Variants in AUTS2 observed in about 807,000 individuals in gnomAD.
AUTS2 encodes autism susceptibility gene 2 protein.
In AUTS2, 17 loss-of-function variants were observed where a neutral mutation model predicts 112.4. The observed-to-expected ratio is 0.15, with a 90% confidence interval of 0.10 to 0.23. The LOEUF (loss-of-function observed/expected upper bound fraction) is 0.23, where lower values mean the gene tolerates loss of function less well. Ranked by LOEUF, AUTS2 falls within the 10% of genes least tolerant of loss-of-function variation. The pLI, the probability that AUTS2 is intolerant of heterozygous loss-of-function variation, is 1.00. For synonymous variants in AUTS2, 751 were observed against 702.7 expected, an observed-to-expected ratio of 1.07 and a Z score of -1.09; for missense variants, 1,510 against 1,701.6, an observed-to-expected ratio of 0.89 and a Z score of 1.98.
At chr7:70,404,862 A>G (rs1310317889) in intron 4 of AUTS2, among the ~76,000 whole-genome samples, 1 of 152,200 alleles carries the variant, frequency 6.6e-6, no homozygotes, top group African/African-American at 2.4e-5. Flanking sequence ...ATTTTCTCTA[A>G]CTACTGCGTC....
chr7:69,906,046 A>G (rs1245761061), intron 2 of AUTS2, among the ~76,000 whole-genome samples: 1 of 152,250 alleles, frequency 6.6e-6, no homozygotes, highest in Non-Finnish European at 1.5e-5. Context: ...GTTAAGAAAG[A>G]TAAAGTGACA....
chr7:70,648,454 C>CA (rs1353463645), intron 5 of AUTS2, among the ~76,000 whole-genome samples: 1 of 152,210 alleles, frequency 6.6e-6, no homozygotes, highest in African/African-American at 2.4e-5. Context: ...TATATGTCTG[C>CA]ACCAATGAGA....
intron 5 of AUTS2, among the ~76,000 whole-genome samples, chr7:70,452,033 T>G (rs968868508): frequency 1.3e-5 from 2 of 152,190 alleles, no homozygotes; most frequent in South Asian, 4.1e-4. Context: ...GATACCACAC[T>G]TCCAGCTCTA....
intron 1 of AUTS2, among the ~76,000 whole-genome samples, chr7:69,626,371 A>C (rs1793947151): frequency 6.6e-6 from 1 of 151,830 alleles, no homozygotes; most frequent in Non-Finnish European, 1.5e-5. Context: ...ATTTTCTGTT[A>C]TGTTTTACTT....
At chr7:69,773,614 C>A (rs1788766199) in intron 1 of AUTS2, among the ~76,000 whole-genome samples, 1 of 152,148 alleles carries the variant, frequency 6.6e-6, no homozygotes, top group Admixed American at 6.5e-5. Flanking sequence ...CCAACCCCTG[C>A]CAGTGCAGCT....
In AUTS2 at chr7:69,599,303, T is replaced by C. The variant is rs1304169760; in HGVS notation, c.-351T>C. On this transcript the variant is annotated 5_prime_UTR_variant, in exon 1 of 19. Transcript: ENST00000342771. The surrounding 1 kb of genome is among the most constrained non-coding windows in gnomAD (Gnocchi z 7.0). ...CTATTCTGATTTATTGCTTGCTTGG[T>C]GAGTTATTTTTTTTTCCTCTAAAGG... 1 of 202,852 alleles carries C rather than the reference T, an allele frequency of 4.9e-6. No individual in the cohort carries two copies. The highest frequency in any genetic ancestry group is 6.0e-5 in the Admixed American group (1 of 16,674). The allele number at this position is 202,852 out of a possible 1,614,324, so 12.6% of individuals were successfully genotyped here.
chr7:69,629,406 G>T (rs1031777888), intron 1 of AUTS2, among the ~76,000 whole-genome samples: 1 of 152,168 alleles, frequency 6.6e-6, no homozygotes, highest in Non-Finnish European at 1.5e-5. Flanking sequence ...CAACGGAGGT[G>T]GGATTCTTGT....
rs181790325 is a variant in AUTS2, at chr7:70,711,982, T to C, written c.742+13362T>C. ...AATACAACCCAACATGCTTAAAGGATGTTTGCATTTTCACTCTGTTCCCTC... is the reference window on the plus strand; with the variant it reads ...AATACAACCCAACATGCTTAAAGGACGTTTGCATTTTCACTCTGTTCCCTC... On this transcript the variant is annotated intron_variant, in intron 6 of 18. Transcript: ENST00000342771. 2.2e-3 allele frequency among the ~76,000 whole-genome samples: 337 copies of C among 152,104 alleles called. 2 individuals carry two copies. Among genetic ancestry groups the C allele is most frequent in the African/African-American group, 7.7e-3 (318 of 41,502 alleles).
At chr7:69,960,791 T>C (rs922241369) in intron 2 of AUTS2, among the ~76,000 whole-genome samples, 2 of 152,178 alleles carry the variant, frequency 1.3e-5, no homozygotes, top group African/African-American at 4.8e-5. Context: ...AATCAGCTTC[T>C]GTATTTTCTC....
chr7:69,661,575 G>T (rs893518927), intron 1 of AUTS2, among the ~76,000 whole-genome samples: 3 of 152,178 alleles, frequency 2.0e-5, no homozygotes, highest in Non-Finnish European at 4.4e-5. Context: ...ACAGTAATTG[G>T]TGTGATCCTT....
chr7:70,156,600 G>A (rs1347273050), intron 4 of AUTS2, among the ~76,000 whole-genome samples: 1 of 152,046 alleles, frequency 6.6e-6, no homozygotes, highest in Non-Finnish European at 1.5e-5. Flanking sequence ...CCTGGTGGTT[G>A]TATAGTTGAG....
chr7:70,270,624 A>G (rs2866276), intron 4 of AUTS2, among the ~76,000 whole-genome samples: 13,114 of 152,190 alleles, frequency 0.086, 777 homozygotes, highest in African/African-American at 0.16. Flanking sequence ...TTGCTAACTC[A>G]TTGCAATGGC....
chr7:69,816,737 G>A (rs1330566848), intron 1 of AUTS2, among the ~76,000 whole-genome samples: 2 of 152,182 alleles, frequency 1.3e-5, no homozygotes, highest in Non-Finnish European at 2.9e-5. Flanking sequence ...AGATATGAGG[G>A]CCAGAGAGGT....
chr7:69,879,685 G>A (rs1195380632), intron 1 of AUTS2, among the ~76,000 whole-genome samples: 1 of 152,202 alleles, frequency 6.6e-6, no homozygotes, highest in Non-Finnish European at 1.5e-5. Context: ...TACAGATGAG[G>A]AAAATGTTAA....
At chr7:69,903,397 T>G (rs1795042237) in intron 2 of AUTS2, among the ~76,000 whole-genome samples, 1 of 152,224 alleles carries the variant, frequency 6.6e-6, no homozygotes, top group Admixed American at 6.5e-5. Flanking sequence ...CTTTGTAGTT[T>G]AAAACACACA....
At chr7:70,113,575 A>G (rs888336885) in intron 2 of AUTS2, among the ~76,000 whole-genome samples, 2 of 152,242 alleles carry the variant, frequency 1.3e-5, no homozygotes, top group Middle Eastern at 3.2e-3. Context: ...TTCCTACAGA[A>G]AAACTCAGCA....
At position 70,356,642 on chromosome 7, in the gene AUTS2, G is replaced by A. The variant is rs180896287; in HGVS notation, c.661-79110G>A. ...AATGTGGTATTATTGCAAATGCAGT[G>A]TGTACTCAGTTATAGATCATAAAGG... On this transcript the variant is annotated intron_variant, in intron 4 of 18. Coordinates refer to ENST00000342771, the MANE Select transcript of AUTS2 (RefSeq NM_015570.4). Among the ~76,000 whole-genome samples the A allele has an allele frequency of 2.4e-3, 369 of 152,254 alleles. 1 individual carries two copies. The highest frequency in any genetic ancestry group is 8.4e-3 in the African/African-American group (351 of 41,542).
chr7:69,651,532 A>T (rs182412432), intron 1 of AUTS2, among the ~76,000 whole-genome samples: 2 of 146,638 alleles, frequency 1.4e-5, no homozygotes, highest in East Asian at 3.9e-4. Context: ...AGACCCGCCT[A>T]CTATACTTAA....
At chr7:69,705,183 G>A (rs1328732185) in intron 1 of AUTS2, among the ~76,000 whole-genome samples, 1 of 152,162 alleles carries the variant, frequency 6.6e-6, no homozygotes, top group African/African-American at 2.4e-5. Flanking sequence ...TGTCTTCTAT[G>A]CCTAGACTGT....
Sources: gnomAD v4.1 joint callset for allele counts (sites outside exome capture counted in the v4.1 genomes callset) on GRCh38, gnomAD v4.1.1 for gene constraint, Gnocchi (gnomAD v3.1) non-coding constraint, MANE v1.5 for transcripts, NCBI Gene and HGNC (gene_info 2026-07-23, HGNC 2026-07-21) for gene names.